Variants in ATG10 observed in about 807,000 individuals in gnomAD.
ATG10 encodes the protein autophagy related 10.
A neutral mutation model predicts 32.1 loss-of-function variants in ATG10; 30 were observed. The ratio of observed to expected loss-of-function variants is 0.94; its 90% CI spans 0.70 to 1.27. ATG10 has a LOEUF of 1.27. Ranked by LOEUF, ATG10 falls within the 50% of genes most tolerant of loss-of-function variation. The pLI is 0.00. For synonymous variants in ATG10, 87 were observed against 91.5 expected (o/e 0.95, Z 0.28); for missense variants, 233 against 262.3 (o/e 0.89, Z 0.77).
At chr5:82,143,953 A>C (rs1675050582) in intron 3 of ATG10, among the ~76,000 whole-genome samples, 1 of 152,186 alleles carries the variant, frequency 6.6e-6, no homozygotes, top group Admixed American at 6.5e-5. Flanking sequence ...CAGTGAAGCC[A>C]TCTGGGCCTG....
At chr5:82,000,779 C>T (rs1761825370) in intron 2 of ATG10, among the ~76,000 whole-genome samples, 1 of 152,180 alleles carries the variant, frequency 6.6e-6, no homozygotes, top group Non-Finnish European at 1.5e-5. Context: ...GCCTCAGCCT[C>T]CTGCATAGCT....
At chr5:82,038,800 T>C (rs1218852880) in intron 2 of ATG10, among the ~76,000 whole-genome samples, 1 of 152,218 alleles carries the variant, frequency 6.6e-6, no homozygotes, top group Non-Finnish European at 1.5e-5. Context: ...ACTGGATTTT[T>C]AGCTTTTTAT....
chr5:82,117,095 A>C (rs1405661672), intron 3 of ATG10, among the ~76,000 whole-genome samples: 2 of 152,054 alleles, frequency 1.3e-5, no homozygotes, highest in Non-Finnish European at 2.9e-5. Flanking sequence ...ACAACTTACT[A>C]TATGTTCTTA....
chr5:82,026,398 G>A (rs577087534), intron 2 of ATG10, among the ~76,000 whole-genome samples: 67 of 152,126 alleles, frequency 4.4e-4, no homozygotes, highest in Admixed American at 8.5e-4. Context: ...TATTGGGGTT[G>A]CTTTCATCTT....
At chr5:82,232,316 A>G (rs897707920) in intron 5 of ATG10, among the ~76,000 whole-genome samples, 1 of 152,224 alleles carries the variant, frequency 6.6e-6, no homozygotes, top group Non-Finnish European at 1.5e-5. Flanking sequence ...AAAATAGAAT[A>G]AACGTACCAC....
At chr5:82,057,171 C>T (rs1298710542) in intron 2 of ATG10, among the ~76,000 whole-genome samples, 4 of 152,240 alleles carry the variant, frequency 2.6e-5, no homozygotes, top group Non-Finnish European at 5.9e-5. Context: ...CCAGTGCAGC[C>T]CCCTGAGTGA....
intron 3 of ATG10, among the ~76,000 whole-genome samples, chr5:82,110,879 T>C (rs569934253): frequency 6.6e-6 from 1 of 152,126 alleles, no homozygotes; most frequent in South Asian, 2.1e-4. Flanking sequence ...CCTACATTTA[T>C]AAAAAGGAAA....
chr5:82,053,238 T>C (rs747090758), intron 2 of ATG10, among the ~76,000 whole-genome samples: 44 of 152,224 alleles, frequency 2.9e-4, no homozygotes, highest in Non-Finnish European at 4.7e-4. Flanking sequence ...ATGGCTAACA[T>C]TGAACATATT....
At chr5:82,052,103 A>G (rs1468708769) in intron 2 of ATG10, among the ~76,000 whole-genome samples, 1 of 152,122 alleles carries the variant, frequency 6.6e-6, no homozygotes, top group Non-Finnish European at 1.5e-5. Context: ...GGACTTGTCA[A>G]GCCCTTCCTG....
At chr5:82,041,149 T>A (rs1763071934) in intron 2 of ATG10, among the ~76,000 whole-genome samples, 1 of 152,230 alleles carries the variant, frequency 6.6e-6, no homozygotes, top group African/African-American at 2.4e-5. Flanking sequence ...TTATTATCTA[T>A]CTTCCTTCAT....
intron 2 of ATG10, among the ~76,000 whole-genome samples, chr5:82,033,069 T>C (rs1762788594): frequency 6.6e-6 from 1 of 152,208 alleles, no homozygotes; most frequent in South Asian, 2.1e-4. Flanking sequence ...GAAGTCATTC[T>C]ATATCAGCAA....
At chr5:82,051,673 A>G (rs750237480) in intron 2 of ATG10, among the ~76,000 whole-genome samples, 2 of 152,146 alleles carry the variant, frequency 1.3e-5, no homozygotes, top group South Asian at 2.1e-4. Flanking sequence ...AAGGTGTAAC[A>G]CTATGAGAAA....
At chr5:82,006,844 G>A (rs950755149) in intron 2 of ATG10, among the ~76,000 whole-genome samples, 1 of 151,952 alleles carries the variant, frequency 6.6e-6, no homozygotes, top group Non-Finnish European at 1.5e-5. Flanking sequence ...GAATCATACA[G>A]TATTTGTATT....
At chr5:82,063,919 G>C (rs1250009981) in intron 3 of ATG10, among the ~76,000 whole-genome samples, 1 of 151,960 alleles carries the variant, frequency 6.6e-6, no homozygotes, top group Non-Finnish European at 1.5e-5. Context: ...CTGCACAACA[G>C]ACTCCCATGA....
In ATG10 at chr5:82,121,342, A is replaced by C. The variant is rs140254405; in HGVS notation, c.217-43057A>C. The stretch of plus-strand genomic sequence containing the variant: ...TGAAACTTTACTGAAGTTGTTTGTC[A>C]GCTGAAGGAGGTTTTGGATCAAGAC... On this transcript the variant is annotated intron_variant, in intron 3 of 7. Coordinates refer to ENST00000282185, the MANE Select transcript of ATG10 (RefSeq NM_031482.5). Among the ~76,000 whole-genome samples, 426 of 152,332 alleles carry C rather than the reference A, an allele frequency of 2.8e-3. 3 individuals carry two copies. The highest frequency in any genetic ancestry group is 4.8e-3 in the Non-Finnish European group (327 of 68,030).
intron 5 of ATG10, among the ~76,000 whole-genome samples, chr5:82,240,952 A>T (rs376954930): frequency 6.6e-6 from 1 of 152,332 alleles, no homozygotes; most frequent in East Asian, 1.9e-4. Flanking sequence ...AGCAACTTTC[A>T]TGACAGCAGA....
At chr5:82,017,490 A>AG (rs1266191204) in intron 2 of ATG10, among the ~76,000 whole-genome samples, 1 of 152,084 alleles carries the variant, frequency 6.6e-6, no homozygotes, top group Admixed American at 6.6e-5. Context: ...TCCAATTCTC[A>AG]GGGGGAATGC....
At chr5:82,141,822 A>G (rs10942292) in intron 3 of ATG10, among the ~76,000 whole-genome samples, 1 of 151,308 alleles carries the variant, frequency 6.6e-6, no homozygotes, top group Admixed American at 6.6e-5. Flanking sequence ...ACACATACAC[A>G]CACACACCCA....
At chr5:82,233,895 G>A (rs938206250) in intron 5 of ATG10, among the ~76,000 whole-genome samples, 5 of 152,082 alleles carry the variant, frequency 3.3e-5, no homozygotes, top group African/African-American at 9.7e-5. Flanking sequence ...TAGTTTTTAC[G>A]TGCCCTTACA....
Sources: allele counts gnomAD v4.1 joint callset (sites outside exome capture counted in the v4.1 genomes callset), GRCh38; gene constraint gnomAD v4.1.1; transcripts MANE v1.5; gene names NCBI Gene and HGNC (gene_info 2026-07-23, HGNC 2026-07-21).